CXXC4: variants seen among roughly 807,000 people sequenced by gnomAD.
CXXC4 encodes CXXC-type zinc finger protein 4.
Under a neutral mutation model 20.5 loss-of-function variants are expected in CXXC4, and 5 were observed. The ratio of observed to expected loss-of-function variants is 0.24; its 90% CI spans 0.13 to 0.51. The LOEUF (loss-of-function observed/expected upper bound fraction) is 0.51, where lower values mean the gene tolerates loss of function less well. Ranked by LOEUF, CXXC4 falls within the 20% of genes least tolerant of loss-of-function variation. The pLI, the probability that CXXC4 is intolerant of heterozygous loss-of-function variation, is 0.97. For missense variants in CXXC4, 419 were observed against 496.4 expected (o/e 0.84, Z 1.48); for synonymous variants, 250 against 216.4 (o/e 1.16, Z -1.36).
chr4:104,484,450 C>T (rs138192923), intron 2 of CXXC4, among the ~76,000 whole-genome samples: 5 of 151,954 alleles, frequency 3.3e-5, no homozygotes, highest in South Asian at 4.1e-4. Context: ...ATAATTTATA[C>T]CATTTTATAT....
chr4:104,482,290 T>C (rs1172597769), intron 2 of CXXC4, among the ~76,000 whole-genome samples: 1 of 152,088 alleles, frequency 6.6e-6, no homozygotes, highest in African/African-American at 2.4e-5. Context: ...AAGAATCACA[T>C]GAGGAAAATC....
chr4:104,491,551 G>T lies in CXXC4; in HGVS notation c.252C>A (p.Ile84=). The T allele has an allele frequency of 6.7e-7, 1 of 1,496,974 alleles. No homozygotes were observed. The highest frequency in any genetic ancestry group is 8.9e-7 in the Non-Finnish European group (1 of 1,121,392). 92.7% of individuals were successfully genotyped at this position (1,496,974 alleles called of 1,614,324 possible). A position where few individuals can be genotyped will look rare whatever the true frequency, so the allele number is the denominator to read the frequency against. Residue 84 remains isoleucine (I), a synonymous_variant, in exon 2 of 3, where the codon ATC becomes ATA. Transcript: ENST00000394767. ...SAAAAAAAAR[I]GMSPWNCDNA... The stretch of plus-strand genomic sequence containing the variant: ...TGTCGCAGTTCCAGGGGGACATGCC[G>T]ATGCGCGCGGCGGCCGCGGCGGCGG...
At chr4:104,486,851 C>T (rs1736711151) in intron 2 of CXXC4, among the ~76,000 whole-genome samples, 1 of 152,108 alleles carries the variant, frequency 6.6e-6, no homozygotes, top group African/African-American at 2.4e-5. Context: ...AGGCAGGTGC[C>T]ACCTTCCTGT....
intron 2 of CXXC4, among the ~76,000 whole-genome samples, chr4:104,486,220 G>A (rs1001041077): frequency 1.3e-5 from 2 of 152,014 alleles, no homozygotes; most frequent in African/African-American, 4.8e-5. Flanking sequence ...ATGTATGTAC[G>A]CTTTGTAAGT....
At chr4:104,481,184 A>G (rs146099317) in intron 2 of CXXC4, among the ~76,000 whole-genome samples, 3 of 152,142 alleles carry the variant, frequency 2.0e-5, no homozygotes, top group African/African-American at 4.8e-5. Flanking sequence ...TAAAATTTCA[A>G]TGTTAGTTTA....
At chr4:104,488,167 G>T (rs1736743712) in intron 2 of CXXC4, among the ~76,000 whole-genome samples, 1 of 152,178 alleles carries the variant, frequency 6.6e-6, no homozygotes, top group Admixed American at 6.5e-5. Context: ...GAACCCACAG[G>T]TGATATCCAC....
chr4:104,473,362 A>G (rs1736325096), intron 2 of CXXC4, among the ~76,000 whole-genome samples: 1 of 151,902 alleles, frequency 6.6e-6, no homozygotes, highest in Non-Finnish European at 1.5e-5. Context: ...TGGTTTCTCC[A>G]AAGAAGTATC....
intron 2 of CXXC4, among the ~76,000 whole-genome samples, chr4:104,479,216 G>C (rs1001251172): frequency 6.6e-6 from 1 of 151,932 alleles, no homozygotes; most frequent in South Asian, 2.1e-4. Context: ...TTTTATTGAA[G>C]AGAAACATAA....
At chr4:104,481,072 T>C (rs1736547518) in intron 2 of CXXC4, among the ~76,000 whole-genome samples, 1 of 152,182 alleles carries the variant, frequency 6.6e-6, no homozygotes, top group Non-Finnish European at 1.5e-5. Flanking sequence ...GCAGAGATCA[T>C]ATTAGTCTGT....
chr4:104,492,818 T>C (rs999198325), intron 1 of CXXC4, among the ~76,000 whole-genome samples: 3 of 152,028 alleles, frequency 2.0e-5, no homozygotes, highest in Non-Finnish European at 4.4e-5. Context: ...AGGGTGGTGT[T>C]CTACTTGATT....
At position 104,491,083 on chromosome 4, in the gene CXXC4, C is replaced by T. The variant is rs1179544881; in HGVS notation, c.720G>A (p.Pro240=). ...PERVGTFSAI[P]ALGGISLPPG... is the part of the protein sequence containing the mutation. ...GAGGTAATGAGATGCCCCCTAAAGC[C>T]GGGATAGCGGAAAAAGTCCCCACGC... The change falls in exon 2 of 3, where the codon CCG becomes CCA. Residue 240 remains proline, a synonymous_variant. Transcript: ENST00000394767. 2.5e-6 allele frequency: 4 copies of T among 1,614,092 alleles called. No homozygotes were observed. The highest frequency in any genetic ancestry group is 3.4e-6 in the Non-Finnish European group (4 of 1,180,010).
chr4:104,487,010 T>C (rs1736716717), intron 2 of CXXC4, among the ~76,000 whole-genome samples: 1 of 152,170 alleles, frequency 6.6e-6, no homozygotes, highest in Non-Finnish European at 1.5e-5. Context: ...TATTTGAATT[T>C]TTTTCTGCCA....
In CXXC4 at chr4:104,471,357, T is replaced by C. The variant is rs1014084447; in HGVS notation, c.*965A>G. 2.6e-5 allele frequency: 4 copies of C among 151,992 alleles called. No individual in the cohort carries two copies. Among genetic ancestry groups the C allele is most frequent in the African/African-American group, 7.2e-5 (3 of 41,436 alleles). 9.4% of individuals were successfully genotyped at this position (151,992 alleles called of 1,614,324 possible). A position where few individuals can be genotyped will look rare whatever the true frequency, so the allele number is the denominator to read the frequency against. On this transcript the variant is annotated 3_prime_UTR_variant, in exon 3 of 3. Transcript: ENST00000394767. ...AACAATAAAACGTATACAGCCCATA[T>C]TGGGCTGGGGAAAAAATGTCAGTTA...
chr4:104,472,922 A>G (rs933415484), intron 2 of CXXC4, among the ~76,000 whole-genome samples: 1 of 151,968 alleles, frequency 6.6e-6, no homozygotes, highest in Non-Finnish European at 1.5e-5. Flanking sequence ...GGTCTTAAAC[A>G]TGAGTGAGAC....
At position 104,491,413 on chromosome 4, in the gene CXXC4, A is replaced by T; in HGVS notation, c.390T>A (p.Gly130=). Residue 130 remains glycine (G), a synonymous_variant, in exon 2 of 3, where the codon GGT becomes GGA. Coordinates refer to ENST00000394767, the MANE Select transcript of CXXC4 (RefSeq NM_025212.4). ...GGGGGGGGGG[G]GGGGRKSSSA... ...AGGAGGATTTCCTGCCGCCCCCACC[A>T]CCCCCGCCCCCGCCTCCGCCGCCGC... is the stretch of plus-strand genomic sequence containing the variant. The T allele has an allele frequency of 1.1e-6, 1 of 931,972 alleles. No homozygotes were observed. Among genetic ancestry groups the T allele is most frequent in the Non-Finnish European group, 1.3e-6 (1 of 746,360 alleles). 57.7% of individuals were successfully genotyped at this position (931,972 alleles called of 1,614,324 possible).
rs1736200664 is a variant in CXXC4, at chr4:104,469,242, T to C, written c.*3080A>G. ...TTTGCATTAATGATGTTCTTCGTGA[T>C]GTTATGGTGCTGAGTGACAACTGAA... On this transcript the variant is annotated 3_prime_UTR_variant, in exon 3 of 3. Transcript: ENST00000394767. 1 of 152,034 alleles carries C rather than the reference T, an allele frequency of 6.6e-6. No individual in the cohort carries two copies. The highest frequency in any genetic ancestry group is 6.6e-5 in the Admixed American group (1 of 15,222). The allele number at this position is 152,034 out of a possible 1,614,324, so 9.4% of individuals were successfully genotyped here.
chr4:104,475,885 A>C (rs563958713), intron 2 of CXXC4, among the ~76,000 whole-genome samples: 3 of 152,094 alleles, frequency 2.0e-5, no homozygotes, highest in Non-Finnish European at 2.9e-5. Context: ...GCATTGTTTA[A>C]GGCAGCCTTC....
intron 2 of CXXC4, among the ~76,000 whole-genome samples, chr4:104,490,535 T>C (rs1386925929): frequency 3.9e-5 from 6 of 152,238 alleles, no homozygotes; most frequent in Non-Finnish European, 8.8e-5. Context: ...GGGCACTCTC[T>C]CTATCAGAAG....
chr4:104,468,965 T>C lies in CXXC4; in HGVS notation c.*3357A>G, dbSNP rs949100665. ...AAAGGAAGAGAATATTCCTTTCTTT[T>C]AGTGATTGCTTAATATTAATTCATA... is the stretch of plus-strand genomic sequence containing the variant. On this transcript the variant is annotated 3_prime_UTR_variant, in exon 3 of 3. Transcript: ENST00000394767. 1.3e-5 allele frequency: 2 copies of C among 152,102 alleles called. No individual in the cohort carries two copies. Among genetic ancestry groups the C allele is most frequent in the Non-Finnish European group, 2.9e-5 (2 of 67,996 alleles). The allele number at this position is 152,102 out of a possible 1,614,324, so 9.4% of individuals were successfully genotyped here. A position where few individuals can be genotyped will look rare whatever the true frequency, so the allele number is the denominator to read the frequency against.
Sources: allele counts gnomAD v4.1 joint callset (sites outside exome capture counted in the v4.1 genomes callset), GRCh38; gene constraint gnomAD v4.1.1; transcripts MANE v1.5; gene names NCBI Gene and HGNC (gene_info 2026-07-23, HGNC 2026-07-21).